The following CFHR5 variants were observed in gnomAD, a reference collection of about 807,000 sequenced individuals.
CFHR5 encodes the protein complement factor H related 5.
Under a neutral mutation model 62.9 loss-of-function variants are expected in CFHR5, and 73 were observed. The observed-to-expected ratio is 1.16, with a 90% CI of 0.96 to 1.41. CFHR5 has a LOEUF of 1.41. CFHR5 is among the 40% of genes most tolerant of loss of function. CFHR5 has a pLI of 0.00. For missense variants in CFHR5, 779 were observed against 679.9 expected (o/e 1.15, Z -1.62); for synonymous variants, 249 against 227.2 (o/e 1.10, Z -0.86).
At chr1:196,998,052 C>A (rs1654040527) in intron 6 of CFHR5, 76 bp from the exon 7 acceptor site, 1 of 927,412 alleles carries the variant, frequency 1.1e-6, no homozygotes, top group Non-Finnish European at 1.7e-6. Flanking sequence ...AAGCATCAAA[C>A]ATAATTATGC....
Position 197,008,686 on chromosome 1 carries a change from C to G in CFHR5, c.*3C>G, listed in dbSNP as rs761491916. The G allele has an allele frequency of 3.0e-5, 48 of 1,608,130 alleles. 1 individual carries two copies. In the South Asian group the frequency reaches 4.4e-4, roughly 15 times the overall value. On this transcript the variant is annotated 3_prime_UTR_variant, in exon 10 of 10. Coordinates refer to ENST00000256785, the MANE Select transcript of CFHR5 (RefSeq NM_030787.4). ...TTGAATATCCTATATGTGAATGAAG[C>G]AAGCATAATTTTCCTGAATATATTC...
rs181464041 is a variant in CFHR5, at chr1:197,002,414, C to T, written c.1148-68C>T. The T allele has an allele frequency of 1.9e-3, 2,256 of 1,177,878 alleles. 61 individuals are homozygous for T. In the South Asian group the frequency reaches 0.027, roughly 14 times the overall value. The allele number at this position is 1,177,878 out of a possible 1,614,324, so 73.0% of individuals were successfully genotyped here. A position where few individuals can be genotyped will look rare whatever the true frequency, so the allele number is the denominator to read the frequency against. On this transcript the variant is annotated intron_variant, in intron 7 of 9. Coordinates refer to ENST00000256785, the MANE Select transcript of CFHR5 (RefSeq NM_030787.4). ...CATTGAATCTTCCATTTTCCTGAAA[C>T]ACTACCCTATTGAGCTGTTTTTACT...
chr1:197,002,811 TAA>T (rs1004580894), intron 8 of CFHR5, 147 bp downstream of exon 8: 2 of 676,494 alleles, frequency 3.0e-6, no homozygotes, highest in African/African-American at 3.6e-5. Context: ...TTCTGTCATT[TAA>T]AAAAGTTTCT....
chr1:197,008,663 G>T lies in CFHR5; in HGVS notation c.1690G>T (p.Glu564Ter). 6.2e-7 allele frequency: 1 copy of T among 1,613,010 alleles called. No homozygotes were observed. The highest frequency in any genetic ancestry group is 1.7e-5 in the Admixed American group (1 of 60,014). ...FRAICQEGKF[E>*]YPICE is the part of the protein sequence containing the mutation. ...AGCAATCTGTCAGGAAGGGAAATTT[G>T]AATATCCTATATGTGAATGAAGCAA... is the stretch of plus-strand genomic sequence containing the variant. The change falls in exon 10 of 10, where the codon GAA becomes TAA. Residue 564 changes from glutamate (E) to a stop codon, truncating the protein, a stop_gained. Transcript: ENST00000256785. LOFTEE classifies it high-confidence loss of function.
Position 197,008,860 on chromosome 1 carries a change from T to C in CFHR5, c.*177T>C. 1 of 617,844 alleles carries C rather than the reference T, an allele frequency of 1.6e-6. No homozygotes were observed. The highest frequency in any genetic ancestry group is 2.9e-5 in the East Asian group (1 of 34,624). 38.3% of individuals were successfully genotyped at this position (617,844 alleles called of 1,614,324 possible). On this transcript the variant is annotated 3_prime_UTR_variant, in exon 10 of 10. Transcript: ENST00000256785. Reference sequence around the variant, plus strand: ...AATTTGTAAGCTGAGAGAACAATGTTTCACTTAATAGGAGGGTGTCTTAGT... The same window carrying C: ...AATTTGTAAGCTGAGAGAACAATGTCTCACTTAATAGGAGGGTGTCTTAGT...
In CFHR5 at chr1:196,994,248, C is replaced by A. The variant is rs757424508; in HGVS notation, c.599C>A (p.Thr200Lys). The A allele has an allele frequency of 5.0e-6, 8 of 1,610,658 alleles. No individual in the cohort carries two copies. The Admixed American group carries it at 6.7e-5, about 13-fold the overall frequency. ...YQFGWSPNFPTCKGQVRSCGP... is the reference protein window; with the variant it reads ...YQFGWSPNFPKCKGQVRSCGP... ...TTTGGGTGGTCACCTAACTTTCCAA[C>A]ATGCAAAGGTCAGTATTTATTTTAG... is the stretch of plus-strand genomic sequence containing the variant. The change falls in exon 4 of 10, where the codon ACA becomes AAA. Residue 200 changes from threonine to lysine, a missense_variant. By Grantham distance (78) the Thr-to-Lys change is moderately conservative. Coordinates refer to ENST00000256785, the MANE Select transcript of CFHR5 (RefSeq NM_030787.4).
At chr1:196,999,720 TATAC>T (rs1297257455) in intron 7 of CFHR5, among the ~76,000 whole-genome samples, 6 of 43,870 alleles carry the variant, frequency 1.4e-4, no homozygotes, top group South Asian at 9.3e-4. Flanking sequence ...TATATATATA[TATAC>T]ACACACACAC....
chr1:197,005,970 T>C (rs1252163039), intron 9 of CFHR5, among the ~76,000 whole-genome samples: 1 of 152,190 alleles, frequency 6.6e-6, no homozygotes, highest in Non-Finnish European at 1.5e-5. Flanking sequence ...AAGTATCATC[T>C]GAACAATTTT....
At chr1:196,981,502 A>G (rs1653539603) in intron 1 of CFHR5, among the ~76,000 whole-genome samples, 1 of 151,608 alleles carries the variant, frequency 6.6e-6, no homozygotes, top group African/African-American at 2.4e-5. Flanking sequence ...ATATGTGTAT[A>G]TATAAATATA....
In CFHR5 at chr1:197,002,518, T is replaced by A; in HGVS notation, c.1184T>A (p.Ile395Lys). Reference protein sequence around the residue: ...REQFCPPPPQIPNAQNMTTTV... With the variant: ...REQFCPPPPQKPNAQNMTTTV... ...CAATTCTGCCCACCGCCACCTCAGA[T>A]ACCTAATGCTCAGAATATGACAACC... Residue 395 changes from isoleucine (I) to lysine (K), a missense_variant, in exon 8 of 10, where the codon ATA becomes AAA. Physicochemically the swap from Ile to Lys is moderately radical, Grantham distance 102. Coordinates refer to ENST00000256785, the MANE Select transcript of CFHR5 (RefSeq NM_030787.4). 1 of 1,613,570 alleles carries A rather than the reference T, an allele frequency of 6.2e-7. No homozygotes were observed. Among genetic ancestry groups the A allele is most frequent in the Non-Finnish European group, 8.5e-7 (1 of 1,179,738 alleles).
intron 9 of CFHR5, among the ~76,000 whole-genome samples, chr1:197,008,019 AG>A (rs1016286315): frequency 1.8e-4 from 27 of 148,216 alleles, no homozygotes; most frequent in Admixed American, 1.1e-3. Context: ...ATATATATAA[AG>A]TGCTGATTTT....
chr1:196,980,268 G>A (rs952268252), intron 1 of CFHR5, among the ~76,000 whole-genome samples: 3 of 152,112 alleles, frequency 2.0e-5, no homozygotes, highest in Admixed American at 6.6e-5. Flanking sequence ...AGTAGAAGAA[G>A]TGAACTATAA....
In CFHR5 at chr1:196,996,173, A is replaced by C; in HGVS notation, c.942A>C (p.Gly314=). 6.2e-7 allele frequency: 1 copy of C among 1,612,766 alleles called. No individual in the cohort carries two copies. The highest frequency in any genetic ancestry group is 8.5e-7 in the Non-Finnish European group (1 of 1,178,822). Residue 314 remains glycine (G), a synonymous_variant, in exon 6 of 10, where the codon GGA becomes GGC. Transcript: ENST00000256785. ...IGNNMITCIN[G]IWTELPMCVA... ...ATAACATGATTACCTGTATTAATGGAATATGGACAGAGCTTCCTATGTGTG... is the reference window on the plus strand; with the variant it reads ...ATAACATGATTACCTGTATTAATGGCATATGGACAGAGCTTCCTATGTGTG...
rs375843181 is a variant in CFHR5 at position 196,983,032 on chromosome 1, G to A, written c.206G>A (p.Arg69His). The A allele has an allele frequency of 4.0e-5, 64 of 1,613,976 alleles. No homozygotes were observed. In the African/African-American group the frequency reaches 4.1e-4, roughly 10 times the overall value. ...FVSPSKSFWT[R>H]ITCTEEGWSP... ...TCTCCTTCAAAATCCTTTTGGACTC[G>A]CATAACATGCACAGAAGAAGGATGG... Residue 69 changes from arginine (R) to histidine (H), a missense_variant, in exon 2 of 10, where the codon CGC (arginine) becomes CAC (histidine). By Grantham distance (29) the Arg-to-His change is conservative (BLOSUM62 0). Transcript: ENST00000256785.
At chr1:197,006,436 C>A (rs370625539) in intron 9 of CFHR5, among the ~76,000 whole-genome samples, 9 of 152,090 alleles carry the variant, frequency 5.9e-5, no homozygotes, top group African/African-American at 1.9e-4. Context: ...TCCAGCCAGG[C>A]ATGGTGGCTC....
intron 3 of CFHR5, among the ~76,000 whole-genome samples, chr1:196,987,343 T>C (rs1011418545): frequency 6.6e-6 from 1 of 152,210 alleles, no homozygotes; most frequent in African/African-American, 2.4e-5. Flanking sequence ...TTTCTTTTGC[T>C]GTGCAGAAGC....
At chr1:196,992,100 A>G (rs1183854365) in intron 3 of CFHR5, among the ~76,000 whole-genome samples, 3 of 152,078 alleles carry the variant, frequency 2.0e-5, no homozygotes, top group Non-Finnish European at 4.4e-5. Context: ...GCATTGGCGG[A>G]CGCCCCTCCC....
In CFHR5 at chr1:196,999,730, C is replaced by T. The variant is rs1294135671; in HGVS notation, c.1147+1426C>T. 3.2e-3 allele frequency among the ~76,000 whole-genome samples: 235 copies of T among 72,630 alleles called. 1 individual carries two copies. The highest frequency in any genetic ancestry group is 8.5e-3 in the East Asian group (14 of 1,650). The allele number at this position is 72,630 out of a possible 152,430, so 47.6% of individuals were successfully genotyped here. A position where few individuals can be genotyped will look rare whatever the true frequency, so the allele number is the denominator to read the frequency against. Reference sequence around the variant, plus strand: ...ATATATATATATATATATACACACACACACATATATATACACACACATATG... The same window carrying T: ...ATATATATATATATATATACACACATACACATATATATACACACACATATG... On this transcript the variant is annotated intron_variant, in intron 7 of 9. Transcript: ENST00000256785.
At chr1:197,007,953 A>C (rs1426983043) in intron 9 of CFHR5, among the ~76,000 whole-genome samples, 1 of 147,712 alleles carries the variant, frequency 6.8e-6, no homozygotes, top group Non-Finnish European at 1.5e-5. Flanking sequence ...TATGTTATAT[A>C]TACACATTAT....
Sources: gnomAD v4.1 joint callset for allele counts (sites outside exome capture counted in the v4.1 genomes callset) on GRCh38, gnomAD v4.1.1 for gene constraint, MANE v1.5 for transcripts, NCBI Gene and HGNC (gene_info 2026-07-23, HGNC 2026-07-21) for gene names.